NOX4: variants seen among roughly 807,000 people sequenced by gnomAD.
The protein encoded by NOX4 is NADPH oxidase 4.
In NOX4, 69 loss-of-function variants were observed where a neutral mutation model predicts 87.6. The ratio of observed to expected loss-of-function variants is 0.79; its 90% CI spans 0.65 to 0.96. NOX4 has a LOEUF of 0.96. Among genes scored for constraint, NOX4 ranks in the 40% least tolerant of loss-of-function variants. The pLI, the probability that NOX4 is intolerant of heterozygous loss-of-function variation, is 0.00. For synonymous variants in NOX4, 275 were observed against 238.2 expected, an observed-to-expected ratio of 1.15 and a Z score of -1.42; for missense variants, 680 against 681.5, an observed-to-expected ratio of 1.00 and a Z score of 0.02.
chr11:89,487,941 TAGA>T (rs1385436519), intron 2 of NOX4, among the ~76,000 whole-genome samples: 2 of 152,140 alleles, frequency 1.3e-5, no homozygotes, highest in Non-Finnish European at 2.9e-5. Flanking sequence ...AGTAAAACTG[TAGA>T]AGGAGTTTCT....
the NOX4 span, among the ~76,000 whole-genome samples, chr11:89,547,842 A>C: frequency 6.6e-6 from 1 of 152,084 alleles, no homozygotes; most frequent in Non-Finnish European, 1.5e-5. Flanking sequence ...ACGTATAGCT[A>C]TATCATGCAG....
intron 8 of NOX4, among the ~76,000 whole-genome samples, chr11:89,419,199 A>T (rs1468261152): frequency 6.6e-6 from 1 of 152,084 alleles, no homozygotes; most frequent in Non-Finnish European, 1.5e-5. Flanking sequence ...CAGAGAAGCT[A>T]ATGCTAAGCA....
chr11:89,479,223 C>T (rs559739947), intron 2 of NOX4, among the ~76,000 whole-genome samples: 7 of 151,658 alleles, frequency 4.6e-5, no homozygotes, highest in Non-Finnish European at 8.8e-5. Flanking sequence ...AGGAAAAGCA[C>T]GTAAAGGAAG....
chr11:89,381,766 C>T (rs758338817), intron 11 of NOX4, among the ~76,000 whole-genome samples: 1 of 152,204 alleles, frequency 6.6e-6, no homozygotes, highest in East Asian at 1.9e-4. Context: ...CCACCTACAA[C>T]CTCTGGTCCT....
intron 8 of NOX4, among the ~76,000 whole-genome samples, chr11:89,420,768 C>G (rs1481104331): frequency 1.3e-5 from 2 of 152,090 alleles, no homozygotes; most frequent in Non-Finnish European, 2.9e-5. Context: ...GGAAATATTT[C>G]AGGTTAAGAA....
intron 12 of NOX4, among the ~76,000 whole-genome samples, chr11:89,373,039 T>C (rs538236782): frequency 6.6e-6 from 1 of 151,926 alleles, no homozygotes; most frequent in African/African-American, 2.4e-5. Context: ...AAAAATGTCA[T>C]GCAAGAACTG....
intron 7 of NOX4, among the ~76,000 whole-genome samples, chr11:89,422,882 C>T (rs938251968): frequency 1.3e-5 from 2 of 150,120 alleles, no homozygotes; most frequent in Non-Finnish European, 2.9e-5. Context: ...TCACTGCAAC[C>T]TCCACCTTCC....
chr11:89,578,109 G>A, the NOX4 span, among the ~76,000 whole-genome samples: 1 of 151,614 alleles, frequency 6.6e-6, no homozygotes, highest in Non-Finnish European at 1.5e-5. Flanking sequence ...TGCTCTTTTG[G>A]AAGTATATGC....
At chr11:89,415,086 T>G (rs1942686622) in intron 8 of NOX4, among the ~76,000 whole-genome samples, 1 of 152,000 alleles carries the variant, frequency 6.6e-6, no homozygotes, top group Non-Finnish European at 1.5e-5. Context: ...AATTTAATCT[T>G]TCATGCTTCA....
the NOX4 span, chr11:89,548,507 T>C: frequency 6.6e-6 from 1 of 152,158 alleles, no homozygotes; most frequent in Non-Finnish European, 1.5e-5. Context: ...GGACATTTGA[T>C]AGCAAAAAAA....
chr11:89,353,025 G>C (rs1937680124), intron 13 of NOX4, among the ~76,000 whole-genome samples: 1 of 152,162 alleles, frequency 6.6e-6, no homozygotes. Flanking sequence ...CACCATGTTG[G>C]CCAAGCTGGT....
chr11:89,545,052 T>C, the NOX4 span: 1 of 152,174 alleles, frequency 6.6e-6, no homozygotes, highest in Non-Finnish European at 1.5e-5. Flanking sequence ...TAGCTAGTAA[T>C]TTGTGCTCTT....
At chr11:89,489,114 G>C (rs924908103) in intron 2 of NOX4, 4 of 619,354 alleles carry the variant, frequency 6.5e-6, no homozygotes, top group South Asian at 3.8e-5. Context: ...AACAGATTAT[G>C]ATATTACTTT....
intron 6 of NOX4, among the ~76,000 whole-genome samples, chr11:89,436,501 C>A (rs1338682449): frequency 6.6e-6 from 1 of 152,088 alleles, no homozygotes; most frequent in Non-Finnish European, 1.5e-5. Context: ...GTTTCCTTAG[C>A]AAAATACATG....
At chr11:89,588,108 G>A in the NOX4 span, among the ~76,000 whole-genome samples, 1 of 152,118 alleles carries the variant, frequency 6.6e-6, no homozygotes, top group East Asian at 1.9e-4. Context: ...CTTTTACTCT[G>A]CTAAATGTAT....
chr11:89,367,908 A>AT (rs1939127631), intron 12 of NOX4, among the ~76,000 whole-genome samples: 1 of 151,888 alleles, frequency 6.6e-6, no homozygotes, highest in Non-Finnish European at 1.5e-5. Flanking sequence ...CATTCAAGCT[A>AT]TTTTTTCTCC....
intron 8 of NOX4, among the ~76,000 whole-genome samples, chr11:89,415,860 G>A (rs1002212301): frequency 6.6e-6 from 1 of 152,110 alleles, no homozygotes; most frequent in African/African-American, 2.4e-5. Flanking sequence ...CCACTGTCAT[G>A]AACAACCAAA....
At chr11:89,551,487 G>A in the NOX4 span, among the ~76,000 whole-genome samples, 1 of 152,112 alleles carries the variant, frequency 6.6e-6, no homozygotes, top group Admixed American at 6.5e-5. Context: ...TTGAGCAGTG[G>A]TTTGTAGTTC....
chr11:89,588,505 T>G, the NOX4 span, among the ~76,000 whole-genome samples: 2 of 152,160 alleles, frequency 1.3e-5, no homozygotes, highest in Non-Finnish European at 2.9e-5. Context: ...CATGCAATAA[T>G]GAATTACTAA....
Sources: allele counts gnomAD v4.1 joint callset (sites outside exome capture counted in the v4.1 genomes callset), GRCh38; gene constraint gnomAD v4.1.1; transcripts MANE v1.5; gene names NCBI Gene and HGNC (gene_info 2026-07-23, HGNC 2026-07-21).